Variants in OTUD7A observed in about 807,000 individuals in gnomAD.
OTUD7A encodes OTU deubiquitinase 7A, also known as OTU domain-containing protein 7A.
A neutral mutation model predicts 65.7 loss-of-function variants in OTUD7A; 12 were observed. The ratio of observed to expected loss-of-function variants is 0.18; its 90% CI spans 0.12 to 0.30. The LOEUF (loss-of-function observed/expected upper bound fraction) is 0.30, where lower values mean the gene tolerates loss of function less well. Among genes scored for constraint, OTUD7A ranks in the 10% least tolerant of loss-of-function variants. OTUD7A has a pLI of 1.00. For synonymous variants in OTUD7A, 641 were observed against 586.3 expected (o/e 1.09, Z -1.35); for missense variants, 1,148 against 1,304.8 (o/e 0.88, Z 1.85).
In OTUD7A at chr15:31,752,801, G is replaced by GA. The variant is rs199926878; in HGVS notation, c.-99-95725dup. ...TGAGAGACTTACCCTCATCATTTTT[G>GA]AAAAAAAAAATCTTTGCCATATAAC... On this transcript the variant is annotated intron_variant, in intron 1 of 12. Transcript: ENST00000307050. 1.2e-3 allele frequency among the ~76,000 whole-genome samples: 184 copies of GA among 148,990 alleles called. 1 individual carries two copies. The highest frequency in any genetic ancestry group is 3.8e-3 in the African/African-American group (153 of 40,658).
Position 31,484,388 on chromosome 15 carries a change from TCTC to T in OTUD7A, c.1705_1707del (p.Glu569del), listed in dbSNP as rs777798596. On this transcript the variant is annotated inframe_deletion, in exon 13 of 13. Transcript: ENST00000307050. The surrounding 1 kb of genome is among the most constrained non-coding windows in gnomAD (Gnocchi z 4.5). ...CTGCCCTTGCGCGACTTGGCCTTCT[TCTC>T]CTTGCCCCGCTCGGCCGAGTCCCCG... 4 of 1,601,082 alleles carry T rather than the reference TCTC, an allele frequency of 2.5e-6. No individual in the cohort carries two copies. The highest frequency in any genetic ancestry group is 1.7e-5 in the Admixed American group (1 of 59,968).
intron 1 of OTUD7A, among the ~76,000 whole-genome samples, chr15:31,828,122 C>G (rs1896843040): frequency 6.6e-6 from 1 of 152,120 alleles, no homozygotes; most frequent in Non-Finnish European, 1.5e-5. Flanking sequence ...AGCTTGGGCC[C>G]TACTTTCCTC....
intron 3 of OTUD7A, among the ~76,000 whole-genome samples, chr15:31,646,563 C>G (rs1041497182): frequency 3.3e-5 from 5 of 151,548 alleles, no homozygotes; most frequent in African/African-American, 1.2e-4. Context: ...TGGGTTCAAG[C>G]AATTCTCCTG....
intron 1 of OTUD7A, among the ~76,000 whole-genome samples, chr15:31,714,490 G>T (rs1363096870): frequency 6.6e-6 from 1 of 152,040 alleles, no homozygotes; most frequent in East Asian, 1.9e-4. Flanking sequence ...TTTGAGCTGG[G>T]CAGTGATTAT....
intron 3 of OTUD7A, among the ~76,000 whole-genome samples, chr15:31,646,092 ACT>A (rs1289371790): frequency 6.6e-6 from 1 of 152,036 alleles, no homozygotes; most frequent in Non-Finnish European, 1.5e-5. Flanking sequence ...TAACGACATG[ACT>A]CTGAATCTGA....
chr15:31,790,434 G>A (rs1895784369), intron 1 of OTUD7A, among the ~76,000 whole-genome samples: 1 of 152,228 alleles, frequency 6.6e-6, no homozygotes, highest in African/African-American at 2.4e-5. Flanking sequence ...GGCCATGTCT[G>A]GAACCCAGGT....
At chr15:31,793,668 C>T (rs1895877672) in intron 1 of OTUD7A, among the ~76,000 whole-genome samples, 2 of 152,204 alleles carry the variant, frequency 1.3e-5, no homozygotes, top group Non-Finnish European at 2.9e-5. Flanking sequence ...AGGAGATGTC[C>T]CATCGTACTG....
intron 1 of OTUD7A, among the ~76,000 whole-genome samples, chr15:31,716,813 C>T (rs569832325): frequency 2.6e-5 from 4 of 152,210 alleles, no homozygotes; most frequent in Admixed American, 2.0e-4. Context: ...ATGGGGAAGT[C>T]CCTGGCTGAA....
In OTUD7A at chr15:31,499,527, G is replaced by A. The variant is rs575646645; in HGVS notation, c.1171+2163C>T. ...CCACGTCCCTCTCTGCTGAGATGTC[G>A]TGTGACTTGAGAGCACAGCTGGGAC... On this transcript the variant is annotated intron_variant, in intron 10 of 12. Transcript: ENST00000307050. 9.8e-5 allele frequency among the ~76,000 whole-genome samples: 15 copies of A among 152,350 alleles called. No individual in the cohort carries two copies. In the South Asian group the frequency reaches 1.0e-3, roughly 11 times the overall value.
At chr15:31,689,906 C>A (rs1033072882) in intron 1 of OTUD7A, among the ~76,000 whole-genome samples, 1 of 151,920 alleles carries the variant, frequency 6.6e-6, no homozygotes, top group African/African-American at 2.4e-5. Flanking sequence ...CTGCAGGGAA[C>A]CTCAAAGTGA....
intron 3 of OTUD7A, among the ~76,000 whole-genome samples, chr15:31,573,106 G>A (rs1021914851): frequency 2.0e-5 from 3 of 152,108 alleles, no homozygotes; most frequent in African/African-American, 7.2e-5. Flanking sequence ...TAAAGATAAA[G>A]AGAATTTTTT....
chr15:31,603,254 A>G (rs937250818), intron 3 of OTUD7A, among the ~76,000 whole-genome samples: 2 of 145,842 alleles, frequency 1.4e-5, no homozygotes, highest in Non-Finnish European at 3.0e-5. Flanking sequence ...TATATAGACC[A>G]ATGGAAGAGA....
Position 31,487,268 on chromosome 15 carries a change from A to T in OTUD7A, c.1297T>A (p.Ser433Thr). The change falls in exon 12 of 13, where the codon TCG becomes ACG. Residue 433 changes from serine (S) to threonine (T), a missense_variant. Ser to Thr is a moderately conservative substitution (Grantham distance 58). This residue lies in a region of OTUD7A where 842 missense variants were observed against 769.5 expected (regional missense o/e 1.09). Transcript: ENST00000307050. The surrounding 1 kb of genome is among the most constrained non-coding windows in gnomAD (Gnocchi z 6.0). ...DNARLAHLILSLEAKLNLLHS... is the reference protein window; with the variant it reads ...DNARLAHLILTLEAKLNLLHS... ...AGAAGGTTCAGCTTGGCTTCTAGCG[A>T]CAGGATAAGGCTGGCAAGAGAAGAA... 1 of 1,614,076 alleles carries T rather than the reference A, an allele frequency of 6.2e-7. No individual in the cohort carries two copies. The highest frequency in any genetic ancestry group is 8.5e-7 in the Non-Finnish European group (1 of 1,179,982).
intron 1 of OTUD7A, among the ~76,000 whole-genome samples, chr15:31,856,920 G>A (rs559770988): frequency 6.6e-6 from 1 of 152,324 alleles, no homozygotes; most frequent in African/African-American, 2.4e-5. Flanking sequence ...CACTGGGCCA[G>A]CCCCTGCCCA....
intron 1 of OTUD7A, among the ~76,000 whole-genome samples, chr15:31,696,998 T>C (rs1406361706): frequency 1.3e-5 from 2 of 151,384 alleles, no homozygotes; most frequent in African/African-American, 4.9e-5. Context: ...AATTCTAAAA[T>C]GTGTTCAAGT....
intron 3 of OTUD7A, among the ~76,000 whole-genome samples, chr15:31,609,722 G>A (rs891932176): frequency 6.6e-6 from 1 of 152,156 alleles, no homozygotes; most frequent in African/African-American, 2.4e-5. Context: ...TAGCACAGCT[G>A]ATGCTCTCTC....
chr15:31,657,641 G>C (rs1166474465), intron 1 of OTUD7A, among the ~76,000 whole-genome samples: 1 of 152,022 alleles, frequency 6.6e-6, no homozygotes, highest in Admixed American at 6.5e-5. Context: ...GATTGCAGGC[G>C]TGAGCCACCA....
intron 1 of OTUD7A, among the ~76,000 whole-genome samples, chr15:31,831,699 G>C (rs1217430241): frequency 2.6e-5 from 4 of 152,218 alleles, no homozygotes; most frequent in Non-Finnish European, 5.9e-5. Context: ...GTTCACAGTA[G>C]CCTTATTCCA....
intron 1 of OTUD7A, among the ~76,000 whole-genome samples, chr15:31,786,539 T>G (rs1895679128): frequency 6.6e-6 from 1 of 152,006 alleles, no homozygotes; most frequent in African/African-American, 2.4e-5. Context: ...TGGTGACAGG[T>G]GAGGGGTGTG....
Sources: allele counts gnomAD v4.1 joint callset (sites outside exome capture counted in the v4.1 genomes callset), GRCh38; gene constraint gnomAD v4.1.1; regional missense constraint gnomAD v4.1.1; non-coding constraint Gnocchi (gnomAD v3.1); transcripts MANE v1.5; gene names NCBI Gene and HGNC (gene_info 2026-07-23, HGNC 2026-07-21).